DACT2: variants seen among roughly 807,000 people sequenced by gnomAD.
DACT2 encodes the protein dishevelled binding antagonist of beta catenin 2, also known as dapper homolog 2.
A neutral mutation model predicts 22.2 loss-of-function variants in DACT2; 20 were observed. The observed-to-expected ratio is 0.90, with a 90% CI of 0.63 to 1.31. DACT2 has a LOEUF of 1.31. Among genes scored for constraint, DACT2 ranks in the 50% most tolerant of loss-of-function variants. DACT2 has a pLI of 0.00. For synonymous variants in DACT2, 463 were observed against 479.8 expected (o/e 0.96, Z 0.46); for missense variants, 1,048 against 1,061.4 (o/e 0.99, Z 0.18).
At chr6:168,293,094 C>A (rs750939389) in exon 6 of DACT2, 1 of 152,102 alleles carries the variant, frequency 6.6e-6, no homozygotes. Context: ...GGGGTGGCCA[C>A]GTGGGTTTGG....
At chr6:168,315,759 A>G (rs990464952) in intron 1 of DACT2, among the ~76,000 whole-genome samples, 2 of 152,190 alleles carry the variant, frequency 1.3e-5, no homozygotes, top group African/African-American at 4.8e-5. Context: ...AATCTGCTCA[A>G]GGTCTGATAA....
At chr6:168,297,913 G>T in intron 3 of DACT2, among the ~76,000 whole-genome samples, 1 of 152,356 alleles carries the variant, frequency 6.6e-6, no homozygotes, top group Middle Eastern at 3.4e-3. Context: ...GGGTGGGTCC[G>T]TGTCCCAGCC....
At position 168,310,405 on chromosome 6, in the gene DACT2, T is replaced by C. The variant is rs975379468; in HGVS notation, c.421A>G (p.Thr141Ala). The change falls in exon 3 of 4, where the codon ACG (threonine) becomes GCG (alanine). Residue 141 changes from threonine to alanine, a missense_variant. Thr to Ala is a moderately conservative substitution (Grantham distance 58). Transcript: ENST00000366795. ...TCACTGCAGACGGAGGCACAGGACG[T>C]GGACAGGGAGCAGGATCCACCGTCG... Reference protein sequence around the residue: ...MSDGGSCSLSTSCASVCSDHI... With the variant: ...MSDGGSCSLSASCASVCSDHI... 7 of 1,551,280 alleles carry C rather than the reference T, an allele frequency of 4.5e-6. No homozygotes were observed. In the African/African-American group the frequency reaches 8.2e-5, roughly 18 times the overall value.
Position 168,311,159 on chromosome 6 carries a change from G to A in DACT2, c.372C>T (p.Pro124=), listed in dbSNP as rs779405868. 1 of 1,530,144 alleles carries A rather than the reference G, an allele frequency of 6.5e-7. No homozygotes were observed. The highest frequency in any genetic ancestry group is 8.8e-7 in the Non-Finnish European group (1 of 1,133,600). The allele number at this position is 1,530,144 out of a possible 1,614,324, so 94.8% of individuals were successfully genotyped here. A position where few individuals can be genotyped will look rare whatever the true frequency, so the allele number is the denominator to read the frequency against. Residue 124 remains proline (P), a synonymous_variant, in exon 2 of 4, where the codon CCC becomes CCT. Transcript: ENST00000366795. ...GTCAGGGCGCCCTGGTACCTGAGCT[G>A]GGCCTGCTGTCGCTGTCCAGGGCCT... The part of the protein sequence containing the change: ...SGEALDSDSR[P]SSGFYEMSDG...
intron 1 of DACT2, 34 bp downstream of exon 1, chr6:168,319,354 C>T: frequency 8.4e-7 from 1 of 1,194,408 alleles, no homozygotes; most frequent in South Asian, 4.3e-5. Context: ...GCCCGCACAC[C>T]TCGCAGCCCC....
downstream of DACT2, among the ~76,000 whole-genome samples, chr6:168,306,506 A>G (rs1030891569): frequency 1.3e-5 from 2 of 151,626 alleles, no homozygotes; most frequent in Non-Finnish European, 2.9e-5. Context: ...GCAGTGGCGC[A>G]ATCTTGGCTC....
At position 168,310,575 on chromosome 6, in the gene DACT2, G is replaced by A. The variant is rs555704732; in HGVS notation, c.380-129C>T. The A allele has an allele frequency of 3.3e-5, 42 of 1,275,482 alleles. No individual in the cohort carries two copies. The African/African-American group carries it at 6.4e-4, about 19-fold the overall frequency. 79.0% of individuals were successfully genotyped at this position (1,275,482 alleles called of 1,614,324 possible). On this transcript the variant is annotated intron_variant, in intron 2 of 3. Transcript: ENST00000366795. The stretch of plus-strand genomic sequence containing the variant: ...CTGAGCTGAGGCTACCGGAGGCTGT[G>A]TGCCATCGTCCACACGGCCGGCCTG...
intron 1 of DACT2, 139 bp from the exon 2 acceptor site, chr6:168,311,423 G>T: frequency 8.7e-7 from 1 of 1,149,828 alleles, no homozygotes; most frequent in Non-Finnish European, 1.2e-6. Flanking sequence ...AAATCCGGCA[G>T]CTGCCCCTGC....
At chr6:168,294,389 C>T (rs781166932) in intron 4 of DACT2, among the ~76,000 whole-genome samples, 16 of 151,864 alleles carry the variant, frequency 1.1e-4, no homozygotes, top group Non-Finnish European at 2.1e-4. Flanking sequence ...AGCCCGTGGG[C>T]GGAGCGTGCA....
intron 2 of DACT2, among the ~76,000 whole-genome samples, chr6:168,310,893 A>G (rs2114911551): frequency 6.6e-6 from 1 of 152,258 alleles, no homozygotes; most frequent in African/African-American, 2.4e-5. Context: ...GAGTGCAATA[A>G]CGTCACTTAG....
chr6:168,301,856 C>A (rs1476152008), intron 3 of DACT2, among the ~76,000 whole-genome samples: 1 of 152,240 alleles, frequency 6.6e-6, no homozygotes, highest in Non-Finnish European at 1.5e-5. Context: ...TTCCCCTTGT[C>A]CCAGGTGGAA....
chr6:168,302,500 T>C (rs780075359), downstream of DACT2, among the ~76,000 whole-genome samples: 1 of 152,258 alleles, frequency 6.6e-6, no homozygotes, highest in Non-Finnish European at 1.5e-5. Flanking sequence ...GCCATAAAAG[T>C]TGCAGCAGCA....
rs778559132 is a variant in DACT2, at chr6:168,294,575, G to GTATATATATATATATA, written c.730+57_730+58insTATATATATATATATA. The GTATATATATATATATA allele has an allele frequency of 4.7e-4, 162 of 342,424 alleles. 3 individuals are homozygous for GTATATATATATATATA. In the African/African-American group the frequency reaches 6.9e-3, roughly 15 times the overall value. 21.2% of individuals were successfully genotyped at this position (342,424 alleles called of 1,614,324 possible). A position where few individuals can be genotyped will look rare whatever the true frequency, so the allele number is the denominator to read the frequency against. ...TGTGTGTGTGTATGTGTGTGTGTGT[G>GTATATATATATATATA]TGTATATATATATATATATATATAT... On this transcript the variant is annotated intron_variant, in intron 4 of 5. Transcript: ENST00000366796.
intron 1 of DACT2, 112 bp from the exon 2 acceptor site, chr6:168,311,396 C>A: frequency 7.7e-7 from 1 of 1,299,114 alleles, no homozygotes; most frequent in Non-Finnish European, 1.0e-6. Context: ...CCAAAGTCCA[C>A]GCGAAATACA....
intron 3 of DACT2, among the ~76,000 whole-genome samples, chr6:168,297,337 C>G (rs901012373): frequency 2.0e-4 from 30 of 152,104 alleles, no homozygotes; most frequent in African/African-American, 7.2e-4. Context: ...AAACTATCCC[C>G]AATTGTCCGG....
intron 3 of DACT2, chr6:168,299,456 A>G (rs1779064690): frequency 6.6e-6 from 1 of 152,194 alleles, no homozygotes; most frequent in African/African-American, 2.4e-5. Flanking sequence ...ACAGTTTGAA[A>G]TTTGGTTAAA....
At chr6:168,309,912 A>C (rs995716999) in intron 3 of DACT2, among the ~76,000 whole-genome samples, 2 of 152,038 alleles carry the variant, frequency 1.3e-5, no homozygotes, top group African/African-American at 4.8e-5. Flanking sequence ...GGATTTTTTT[A>C]AGCTTGCTGA....
chr6:168,311,509 TAC>T (rs748055652), intron 1 of DACT2, among the ~76,000 whole-genome samples: 4 of 116,136 alleles, frequency 3.4e-5, no homozygotes, highest in Admixed American at 1.7e-4. Context: ...CCCACACACA[TAC>T]ACACACACAA....
downstream of DACT2, among the ~76,000 whole-genome samples, chr6:168,305,037 G>C (rs1488548415): frequency 6.6e-6 from 1 of 152,192 alleles, no homozygotes; most frequent in Non-Finnish European, 1.5e-5. Context: ...AGTTAAAATG[G>C]GGGAGAAAGA....
Sources: allele counts gnomAD v4.1 joint callset (sites outside exome capture counted in the v4.1 genomes callset), GRCh38; gene constraint gnomAD v4.1.1; transcripts MANE v1.5; gene names NCBI Gene and HGNC (gene_info 2026-07-23, HGNC 2026-07-21).